MTAP: variants seen among roughly 807,000 people sequenced by gnomAD.
MTAP encodes the protein S-methyl-5'-thioadenosine phosphorylase.
MTAP carries 33 observed loss-of-function variants against 33.6 expected under a neutral mutation model. The observed-to-expected ratio is 0.98, with a 90% CI of 0.74 to 1.31. MTAP has a LOEUF of 1.31. MTAP is among the 40% of genes most tolerant of loss of function. MTAP has a pLI of 0.00. For synonymous variants in MTAP, 148 were observed against 125.7 expected, an observed-to-expected ratio of 1.18 and a Z score of -1.19; for missense variants, 367 against 360.0, an observed-to-expected ratio of 1.02 and a Z score of -0.16.
intron 5 of MTAP, among the ~76,000 whole-genome samples, chr9:21,852,502 T>C (rs1318040225): frequency 1.8e-5 from 2 of 111,590 alleles, no homozygotes; most frequent in Non-Finnish European, 3.4e-5. Flanking sequence ...AGAGTGAGAC[T>C]CCATCTCAAA....
intron 3 of MTAP, among the ~76,000 whole-genome samples, chr9:21,817,476 A>G (rs117903317): frequency 0.011 from 1,720 of 152,150 alleles, 18 homozygotes; most frequent in Admixed American, 0.021. Context: ...GTGTAGTTGT[A>G]GGAGAATTCA....
downstream of MTAP, among the ~76,000 whole-genome samples, chr9:21,940,798 G>T (rs1819125940): frequency 6.6e-6 from 1 of 152,184 alleles, no homozygotes; most frequent in South Asian, 2.1e-4. Context: ...CAACCCAGAA[G>T]CTCTCTGAAC....
In MTAP at chr9:21,894,899, C is replaced by G. The variant is rs139711451; in HGVS notation, c.148-36109C>G. Among the ~76,000 whole-genome samples, 191 of 151,592 alleles carry G rather than the reference C, an allele frequency of 1.3e-3. 1 individual carries two copies. The highest frequency in any genetic ancestry group is 4.5e-3 in the African/African-American group (186 of 41,376). On this transcript the variant is annotated intron_variant, in intron 1 of 1. Transcript: ENST00000577563. Reference sequence around the variant, plus strand: ...ACATCAATAACATCCAAGCTGAGAGCCAAATCGTGAATGCAGTCCCATTCA... The same window carrying G: ...ACATCAATAACATCCAAGCTGAGAGGCAAATCGTGAATGCAGTCCCATTCA...
chr9:21,803,084 C>T, intron 1 of MTAP: 1 of 671,398 alleles, frequency 1.5e-6, no homozygotes. Flanking sequence ...CGTAGGCACC[C>T]CTTTAGAGAG....
downstream of MTAP, chr9:21,931,426 C>G (rs554303359): frequency 5.1e-5 from 21 of 414,252 alleles, no homozygotes; most frequent in South Asian, 1.2e-3. Context: ...GTTAAACTCT[C>G]TCTCTAAAAT....
At chr9:21,890,821 A>G (rs1818189068) in intron 1 of MTAP, among the ~76,000 whole-genome samples, 1 of 152,092 alleles carries the variant, frequency 6.6e-6, no homozygotes, top group Admixed American at 6.6e-5. Flanking sequence ...TGCAGTGGCA[A>G]GCTGTTTCCT....
intron 1 of MTAP, among the ~76,000 whole-genome samples, chr9:21,909,567 T>G (rs2118839848): frequency 6.6e-6 from 1 of 152,270 alleles, no homozygotes. Flanking sequence ...TATATTTACC[T>G]TGTGGTGTTA....
chr9:21,905,571 T>A (rs1033122517), intron 1 of MTAP, among the ~76,000 whole-genome samples: 1 of 152,140 alleles, frequency 6.6e-6, no homozygotes, highest in African/African-American at 2.4e-5. Context: ...TACAGGAGGT[T>A]AGAAATGCTG....
intron 1 of MTAP, among the ~76,000 whole-genome samples, chr9:21,900,856 G>A (rs957987453): frequency 6.6e-6 from 1 of 152,190 alleles, no homozygotes; most frequent in African/African-American, 2.4e-5. Flanking sequence ...ACAAAATAAT[G>A]TCTTTTGCAG....
intron 1 of MTAP, among the ~76,000 whole-genome samples, chr9:21,898,217 A>G (rs1229297994): frequency 6.6e-6 from 1 of 152,234 alleles, no homozygotes; most frequent in Admixed American, 6.5e-5. Flanking sequence ...CTTACACCTT[A>G]TGCAAAAATT....
At chr9:21,805,595 AG>A (rs1346656781) in intron 1 of MTAP, among the ~76,000 whole-genome samples, 1 of 152,232 alleles carries the variant, frequency 6.6e-6, no homozygotes, top group Non-Finnish European at 1.5e-5. Context: ...TGATGGTATT[AG>A]AAGATGGGGC....
At chr9:21,803,215 C>G (rs1824111017) in intron 1 of MTAP, 1 of 343,940 alleles carries the variant, frequency 2.9e-6, no homozygotes. Flanking sequence ...CTTCTGTGAC[C>G]GTCTCCTGGT....
chr9:21,930,048 G>T, intron 1 of MTAP: 1 of 424,954 alleles, frequency 2.4e-6, no homozygotes, highest in South Asian at 2.0e-5. Flanking sequence ...CAATGCCCAA[G>T]CTCATGCAGT....
At chr9:21,827,813 G>A (rs1002605740) in intron 4 of MTAP, among the ~76,000 whole-genome samples, 6 of 152,162 alleles carry the variant, frequency 3.9e-5, no homozygotes, top group Admixed American at 1.3e-4. Flanking sequence ...CTCAATGGCT[G>A]TCAACGTCCA....
intron 5 of MTAP, among the ~76,000 whole-genome samples, chr9:21,847,116 G>A (rs545722252): frequency 5.3e-5 from 8 of 152,296 alleles, no homozygotes; most frequent in East Asian, 3.9e-4. Flanking sequence ...GCCTCCCAGC[G>A]TACATCTTTC....
At chr9:21,892,239 A>G (rs1270711315) in intron 1 of MTAP, 2 of 152,194 alleles carry the variant, frequency 1.3e-5, no homozygotes, top group African/African-American at 4.8e-5. Context: ...CCAGCTAACA[A>G]TACAATGACA....
At chr9:21,899,633 A>G (rs1438377108) in intron 1 of MTAP, among the ~76,000 whole-genome samples, 6 of 151,012 alleles carry the variant, frequency 4.0e-5, no homozygotes, top group Non-Finnish European at 7.4e-5. Flanking sequence ...AGCAGGGTAC[A>G]TGCCAGATGC....
intron 6 of MTAP, 81 bp downstream of exon 6, chr9:21,854,951 C>A (rs1371734773): frequency 3.9e-6 from 6 of 1,519,970 alleles, no homozygotes; most frequent in Admixed American, 4.2e-5. Context: ...GTTTCTATTA[C>A]GTTAGTTTCA....
rs1241310026 is a variant in MTAP at position 21,863,669 on chromosome 9, T to C, written c.*1655T>C. 1.0e-6 allele frequency: 1 copy of C among 985,920 alleles called. No individual in the cohort carries two copies. Among genetic ancestry groups the C allele is most frequent in the Non-Finnish European group, 1.2e-6 (1 of 830,006 alleles). The allele number at this position is 985,920 out of a possible 1,614,324, so 61.1% of individuals were successfully genotyped here. ...ATGCTTTTTGTTTGCTTCAGTTTTT[T>C]ATCATGGGGAGATCTTTTTCCTCAG... On this transcript the variant is annotated 3_prime_UTR_variant, in exon 8 of 8. Coordinates refer to ENST00000644715, the MANE Select transcript of MTAP (RefSeq NM_002451.4).
Sources: gnomAD v4.1 joint callset for allele counts (sites outside exome capture counted in the v4.1 genomes callset) on GRCh38, gnomAD v4.1.1 for gene constraint, MANE v1.5 for transcripts, NCBI Gene and HGNC (gene_info 2026-07-23, HGNC 2026-07-21) for gene names.